Variants in CERS3 observed in about 807,000 individuals in gnomAD.
The protein encoded by CERS3 is ceramide synthase 3, also known as LAG1 homolog, ceramide synthase 3.
In CERS3, 33 loss-of-function variants were observed where a neutral mutation model predicts 50.3. The ratio of observed to expected loss-of-function variants is 0.66; its 90% CI spans 0.50 to 0.88. The LOEUF (loss-of-function observed/expected upper bound fraction) is 0.88. CERS3 is among the 40% of genes least tolerant of loss of function. The pLI, the probability that CERS3 is intolerant of heterozygous loss-of-function variation, is 0.00. For synonymous variants in CERS3, 176 were observed against 155.2 expected (o/e 1.13, Z -0.99); for missense variants, 470 against 460.3 (o/e 1.02, Z -0.19).
At chr15:100,516,361 G>A (rs116848260) in intron 2 of CERS3, among the ~76,000 whole-genome samples, 2,041 of 152,276 alleles carry the variant, frequency 0.013, 23 homozygotes, top group East Asian at 0.029. Flanking sequence ...GGCCAGTCCT[G>A]TCACTTAATA....
chr15:100,451,183 CACCAA>C (rs1253212468), intron 11 of CERS3, among the ~76,000 whole-genome samples: 3 of 151,396 alleles, frequency 2.0e-5, no homozygotes, highest in Non-Finnish European at 3.0e-5. Context: ...TGCAGAAAAC[CACCAA>C]ACCACAATGA....
In CERS3 at chr15:100,417,437, C is replaced by T. The variant is rs568733424; in HGVS notation, c.1000-14572G>A. Among the ~76,000 whole-genome samples the T allele has an allele frequency of 9.3e-4, 141 of 152,188 alleles. 1 individual carries two copies. The highest frequency in any genetic ancestry group is 3.2e-3 in the African/African-American group (131 of 41,460). On this transcript the variant is annotated intron_variant, in intron 11 of 11. Transcript: ENST00000679737. ...ACCTGGCTCTGAGGGTCCTACCCCA[C>T]GGAGTCTCGCTGATTGCTAGCACAG...
chr15:100,411,326 T>C (rs550958717), intron 11 of CERS3, among the ~76,000 whole-genome samples: 1 of 152,224 alleles, frequency 6.6e-6, no homozygotes, highest in South Asian at 2.1e-4. Context: ...CATGCCCGGC[T>C]AATTTTTGTA....
chr15:100,453,820 C>A (rs531407789), intron 11 of CERS3, among the ~76,000 whole-genome samples: 1 of 152,064 alleles, frequency 6.6e-6, no homozygotes, highest in Non-Finnish European at 1.5e-5. Flanking sequence ...ACAAATTCAA[C>A]ATAAAAAATA....
chr15:100,477,790 T>C (rs539309222), intron 7 of CERS3, among the ~76,000 whole-genome samples: 2 of 152,278 alleles, frequency 1.3e-5, no homozygotes, highest in South Asian at 2.1e-4. Context: ...AAAGGAGTCA[T>C]GGTAAGCACT....
At chr15:100,496,112 C>T (rs1281487481) in intron 3 of CERS3, among the ~76,000 whole-genome samples, 3 of 152,302 alleles carry the variant, frequency 2.0e-5, no homozygotes, top group East Asian at 3.9e-4. Context: ...GTGCATTCCT[C>T]TTCATTGCAG....
chr15:100,406,963 G>A (rs1190822535), intron 11 of CERS3, among the ~76,000 whole-genome samples: 1 of 152,138 alleles, frequency 6.6e-6, no homozygotes, highest in East Asian at 1.9e-4. Flanking sequence ...TTGTGCAGGG[G>A]AACTCCTCTT....
intron 4 of CERS3, among the ~76,000 whole-genome samples, chr15:100,487,118 G>A (rs1024761552): frequency 6.6e-6 from 1 of 152,184 alleles, no homozygotes; most frequent in African/African-American, 2.4e-5. Flanking sequence ...GAATTAATGT[G>A]TGAAACATGA....
chr15:100,425,679 T>C (rs1398845226), intron 11 of CERS3, among the ~76,000 whole-genome samples: 1 of 152,214 alleles, frequency 6.6e-6, no homozygotes, highest in Non-Finnish European at 1.5e-5. Context: ...TTTGGACTTT[T>C]GAGTTAATGC....
At chr15:100,452,218 T>A (rs188629035) in intron 11 of CERS3, among the ~76,000 whole-genome samples, 1 of 152,238 alleles carries the variant, frequency 6.6e-6, no homozygotes, top group Admixed American at 6.5e-5. Context: ...ATAGACCATA[T>A]GTTAGGACAT....
intron 10 of CERS3, among the ~76,000 whole-genome samples, chr15:100,465,712 G>A (rs2034690984): frequency 6.6e-6 from 1 of 150,650 alleles, no homozygotes; most frequent in South Asian, 2.1e-4. Context: ...AGGCTGGAGT[G>A]CAATAGCAAA....
intron 8 of CERS3, chr15:100,475,870 CAAAGTT>C (rs1169005161): frequency 1.1e-5 from 3 of 276,328 alleles, no homozygotes; most frequent in South Asian, 8.4e-5. Flanking sequence ...GGTGGAGCTT[CAAAGTT>C]AAAGTTTTTA....
At chr15:100,448,926 A>C (rs1725920199) in intron 11 of CERS3, among the ~76,000 whole-genome samples, 2 of 152,184 alleles carry the variant, frequency 1.3e-5, no homozygotes, top group Non-Finnish European at 2.9e-5. Flanking sequence ...CCCTATCCAC[A>C]GCTGCTACCT....
intron 10 of CERS3, 40 bp from the exon 11 acceptor site, chr15:100,456,086 A>G (rs1412336726): frequency 1.3e-6 from 2 of 1,511,658 alleles, no homozygotes; most frequent in African/African-American, 2.8e-5. Context: ...ATTACAACCA[A>G]AGCACCTATG....
At chr15:100,489,383 A>T (rs1012178344) in intron 4 of CERS3, among the ~76,000 whole-genome samples, 3 of 151,978 alleles carry the variant, frequency 2.0e-5, no homozygotes, top group Non-Finnish European at 4.4e-5. Flanking sequence ...CACCCTATAA[A>T]CCTTTTCAGC....
At chr15:100,499,032 G>T (rs2035917390) in intron 3 of CERS3, among the ~76,000 whole-genome samples, 1 of 152,162 alleles carries the variant, frequency 6.6e-6, no homozygotes, top group South Asian at 2.1e-4. Context: ...GCTACAGATA[G>T]GTTACTCCAG....
At position 100,490,887 on chromosome 15, in the gene CERS3, G is replaced by A; in HGVS notation, c.218C>T (p.Thr73Ile). Residue 73 changes from threonine to isoleucine, a missense_variant, in exon 4 of 12, where the codon ACA becomes ATA. Transcript: ENST00000679737. Reference protein sequence around the residue: ...PLAKSFGIKETVRKVTPNTVL... With the variant: ...PLAKSFGIKEIVRKVTPNTVL... The stretch of plus-strand genomic sequence containing the variant: ...AGTATTTGGTGTAACCTTTCGAACT[G>A]TCTCTTTAATGCCAAATGATTTTGC... 6.2e-7 allele frequency: 1 copy of A among 1,610,478 alleles called. No individual in the cohort carries two copies. Among genetic ancestry groups the A allele is most frequent in the Non-Finnish European group, 8.5e-7 (1 of 1,178,686 alleles).
intron 10 of CERS3, among the ~76,000 whole-genome samples, chr15:100,467,861 A>AGAT (rs2034829083): frequency 1.9e-5 from 1 of 51,770 alleles, no homozygotes; most frequent in Non-Finnish European, 5.5e-5. Flanking sequence ...ATAGATAGAT[A>AGAT]GATAGATAGA....
intron 11 of CERS3, among the ~76,000 whole-genome samples, chr15:100,407,712 C>T (rs1157482430): frequency 6.6e-6 from 1 of 152,130 alleles, no homozygotes; most frequent in African/African-American, 2.4e-5. Context: ...TTTATAGATT[C>T]TTGTCATTCC....
Sources: gnomAD v4.1 joint callset for allele counts (sites outside exome capture counted in the v4.1 genomes callset) on GRCh38, gnomAD v4.1.1 for gene constraint, MANE v1.5 for transcripts, NCBI Gene and HGNC (gene_info 2026-07-23, HGNC 2026-07-21) for gene names.